TNRC6B: variants seen among roughly 807,000 people sequenced by gnomAD.
TNRC6B encodes trinucleotide repeat-containing gene 6B protein.
In TNRC6B, 52 loss-of-function variants were observed where a neutral mutation model predicts 203.6. The ratio of observed to expected loss-of-function variants is 0.26; its 90% CI spans 0.20 to 0.32. The LOEUF is 0.32. TNRC6B is among the 10% of genes least tolerant of loss of function. TNRC6B has a pLI of 1.00. For synonymous variants in TNRC6B, 838 were observed against 845.7 expected, an observed-to-expected ratio of 0.99 and a Z score of 0.16; for missense variants, 1,923 against 2,286.2, an observed-to-expected ratio of 0.84 and a Z score of 3.24.
At chr22:40,178,709 G>C (rs1297314263) in intron 1 of TNRC6B, among the ~76,000 whole-genome samples, 1 of 152,056 alleles carries the variant, frequency 6.6e-6, no homozygotes, top group East Asian at 1.9e-4. Context: ...AGGAGGTTTG[G>C]GGTTTGTAGA....
At chr22:40,315,738 G>A (rs2071248832) in intron 20 of TNRC6B, among the ~76,000 whole-genome samples, 1 of 151,780 alleles carries the variant, frequency 6.6e-6, no homozygotes, top group Non-Finnish European at 1.5e-5. Flanking sequence ...AACACTGGGA[G>A]GAAAATACTG....
In TNRC6B at chr22:40,147,846, C is replaced by T. The variant is rs923799488; in HGVS notation, c.46-8269C>T. Reference sequence around the variant, plus strand: ...AATCTGTAGAGATAGAAGGTAGATTCGTGGTTGTCTGGGCCTCAGAAGGAG... The same window carrying T: ...AATCTGTAGAGATAGAAGGTAGATTTGTGGTTGTCTGGGCCTCAGAAGGAG... On this transcript the variant is annotated intron_variant, in intron 3 of 23. Coordinates refer to the TNRC6B transcript ENST00000301923. Among the ~76,000 whole-genome samples the T allele has an allele frequency of 2.6e-5, 4 of 152,026 alleles. No individual in the cohort carries two copies. In the East Asian group the frequency reaches 5.8e-4, roughly 22 times the overall value.
At chr22:40,091,013 ACT>A (rs956335052) in intron 1 of TNRC6B, among the ~76,000 whole-genome samples, 19 of 152,002 alleles carry the variant, frequency 1.2e-4, no homozygotes, top group African/African-American at 4.6e-4. Flanking sequence ...ACGGAGTCTC[ACT>A]CTCTCGCCCA....
At chr22:40,118,708 T>G (rs1048454520) in intron 2 of TNRC6B, among the ~76,000 whole-genome samples, 6 of 152,216 alleles carry the variant, frequency 3.9e-5, no homozygotes, top group Non-Finnish European at 8.8e-5. Context: ...GCGTCTGGTA[T>G]CAAGGGGTTG....
intron 2 of TNRC6B, among the ~76,000 whole-genome samples, chr22:40,247,957 C>T (rs1246816533): frequency 5.3e-5 from 8 of 152,040 alleles, no homozygotes; most frequent in Admixed American, 4.6e-4. Flanking sequence ...CACCTGTGGT[C>T]CCAGCTACTT....
At chr22:40,267,808 T>C (rs932149489) in intron 5 of TNRC6B, among the ~76,000 whole-genome samples, 1 of 152,060 alleles carries the variant, frequency 6.6e-6, no homozygotes, top group East Asian at 1.9e-4. Context: ...GATGGGAGGC[T>C]GTAGGGAGCT....
At chr22:40,074,208 G>A (rs552846806) in intron 1 of TNRC6B, among the ~76,000 whole-genome samples, 7 of 148,814 alleles carry the variant, frequency 4.7e-5, no homozygotes, top group African/African-American at 1.0e-4. Flanking sequence ...CTCCAGCCTC[G>A]GTGACAGAGT....
intron 1 of TNRC6B, among the ~76,000 whole-genome samples, chr22:40,077,014 GA>G (rs2146285790): frequency 7.7e-6 from 1 of 130,086 alleles, no homozygotes; most frequent in South Asian, 2.4e-4. Flanking sequence ...AAAGAGAAAA[GA>G]AAAGAAGAGA....
At chr22:40,220,346 A>G (rs770976769) in intron 1 of TNRC6B, among the ~76,000 whole-genome samples, 2 of 152,188 alleles carry the variant, frequency 1.3e-5, no homozygotes, top group East Asian at 1.9e-4. Context: ...GGCAGCAGGT[A>G]TACTCAGGTG....
intron 4 of TNRC6B, 48 bp downstream of exon 4, chr22:40,262,221 G>C: frequency 7.5e-7 from 1 of 1,329,818 alleles, no homozygotes. Context: ...CAGAGAGAGA[G>C]CACTTTGTTT....
At chr22:40,089,647 T>C (rs764758964) in intron 1 of TNRC6B, among the ~76,000 whole-genome samples, 38 of 152,286 alleles carry the variant, frequency 2.5e-4, no homozygotes, top group Admixed American at 1.6e-3. Flanking sequence ...CAGTGTCACA[T>C]CCCACACCAG....
rs2071128092 is a variant in TNRC6B at position 40,308,642 on chromosome 22, C to T, written c.4251C>T (p.His1417=). ...PSVATQEANM[H]KNGAIVAPGK... is the part of the protein sequence containing the mutation. ...TAGCCACACAGGAAGCCAATATGCACAAAAATGGTAAGAGAAGCACTGAAA... is the reference window on the plus strand; with the variant it reads ...TAGCCACACAGGAAGCCAATATGCATAAAAATGGTAAGAGAAGCACTGAAA... The change falls in exon 16 of 23, where the codon CAC becomes CAT. Residue 1417 remains histidine, a synonymous_variant. Coordinates refer to ENST00000454349, the MANE Select transcript of TNRC6B (RefSeq NM_001162501.2). 1.9e-5 allele frequency: 30 copies of T among 1,610,844 alleles called. No homozygotes were observed. Among genetic ancestry groups the T allele is most frequent in the Non-Finnish European group, 2.4e-5 (28 of 1,178,684 alleles).
chr22:40,223,494 G>GC (rs1232802534), intron 1 of TNRC6B, among the ~76,000 whole-genome samples: 1 of 152,080 alleles, frequency 6.6e-6, no homozygotes, highest in Non-Finnish European at 1.5e-5. Context: ...TTGCGTAAAA[G>GC]CCCCCCTTTT....
chr22:40,219,742 T>C (rs892232742), intron 1 of TNRC6B, among the ~76,000 whole-genome samples: 1 of 152,182 alleles, frequency 6.6e-6, no homozygotes, highest in African/African-American at 2.4e-5. Flanking sequence ...ATGTCCCCCC[T>C]TCCCTCACCT....
intron 4 of TNRC6B, among the ~76,000 whole-genome samples, chr22:40,169,787 G>C (rs1260795202): frequency 6.6e-6 from 1 of 152,076 alleles, no homozygotes; most frequent in Non-Finnish European, 1.5e-5. Flanking sequence ...GGTTTTGAAG[G>C]CTTCATCCCG....
At chr22:40,194,273 C>T (rs945518099) in intron 1 of TNRC6B, among the ~76,000 whole-genome samples, 1 of 152,194 alleles carries the variant, frequency 6.6e-6, no homozygotes, top group African/African-American at 2.4e-5. Flanking sequence ...TTCCTGTGTG[C>T]TTTACCTGTG....
intron 6 of TNRC6B, 53 bp downstream of exon 6, chr22:40,270,333 A>G: frequency 8.2e-7 from 1 of 1,226,604 alleles, no homozygotes; most frequent in Non-Finnish European, 1.0e-6. Context: ...TTTTTTTTTA[A>G]TTGAGACGGA....
intron 3 of TNRC6B, among the ~76,000 whole-genome samples, chr22:40,149,531 G>T (rs550179373): frequency 1.3e-5 from 2 of 152,092 alleles, no homozygotes; most frequent in South Asian, 4.2e-4. Context: ...TTCGCCAGGC[G>T]TGGTGGCACA....
chr22:40,207,107 A>G (rs2069488799), intron 1 of TNRC6B, among the ~76,000 whole-genome samples: 1 of 152,150 alleles, frequency 6.6e-6, no homozygotes, highest in Non-Finnish European at 1.5e-5. Flanking sequence ...CTGTCTTCAC[A>G]TGAATGTCTT....
Sources: allele counts gnomAD v4.1 joint callset (sites outside exome capture counted in the v4.1 genomes callset), GRCh38; gene constraint gnomAD v4.1.1; transcripts MANE v1.5; gene names NCBI Gene and HGNC (gene_info 2026-07-23, HGNC 2026-07-21).